Variants in TRPM3 observed in about 807,000 individuals in gnomAD.
The protein encoded by TRPM3 is long transient receptor potential channel 3.
In TRPM3, 77 loss-of-function variants were observed where a neutral mutation model predicts 181.2. The ratio of observed to expected loss-of-function variants is 0.42; its 90% CI spans 0.35 to 0.51. The LOEUF (loss-of-function observed/expected upper bound fraction) is 0.51, where lower values mean the gene tolerates loss of function less well. Ranked by LOEUF, TRPM3 falls within the 20% of genes least tolerant of loss-of-function variation. The pLI, the probability that TRPM3 is intolerant of heterozygous loss-of-function variation, is 0.01. For synonymous variants in TRPM3, 745 were observed against 796.4 expected (o/e 0.94, Z 1.09); for missense variants, 1,759 against 2,196.7 (o/e 0.80, Z 3.98).
At chr9:71,205,132 G>A (rs1174608391) in intron 1 of TRPM3, among the ~76,000 whole-genome samples, 2 of 151,948 alleles carry the variant, frequency 1.3e-5, no homozygotes, top group Non-Finnish European at 1.5e-5. Context: ...GTTAATGGGT[G>A]CAGCACACCA....
intron 8 of TRPM3, among the ~76,000 whole-genome samples, chr9:70,748,322 A>G (rs2075539715): frequency 6.6e-6 from 1 of 152,136 alleles, no homozygotes; most frequent in African/African-American, 2.4e-5. Flanking sequence ...GAGGTATTAG[A>G]GCCATAGCTG....
At chr9:71,415,373 A>C (rs544995408) in intron 1 of TRPM3, among the ~76,000 whole-genome samples, 4 of 152,120 alleles carry the variant, frequency 2.6e-5, no homozygotes, top group Non-Finnish European at 5.9e-5. Context: ...CAATACTGTC[A>C]TGATTAGATG....
chr9:70,907,279 C>T (rs1490602010), intron 1 of TRPM3, among the ~76,000 whole-genome samples: 1 of 152,180 alleles, frequency 6.6e-6, no homozygotes, highest in African/African-American at 2.4e-5. Flanking sequence ...CCAGCTGAGG[C>T]AGGACAAGGT....
At chr9:70,960,234 C>G (rs1218752412) in intron 1 of TRPM3, among the ~76,000 whole-genome samples, 1 of 151,642 alleles carries the variant, frequency 6.6e-6, no homozygotes, top group Admixed American at 6.6e-5. Flanking sequence ...AAACTGTGGA[C>G]ATTATGATGG....
chr9:71,281,464 G>A (rs1487560685), intron 1 of TRPM3, among the ~76,000 whole-genome samples: 1 of 152,114 alleles, frequency 6.6e-6, no homozygotes, highest in Non-Finnish European at 1.5e-5. Context: ...CCTTGGGAAA[G>A]CATTTTGTTC....
chr9:70,761,230 A>G (rs1284841832), intron 8 of TRPM3: 1 of 581,244 alleles, frequency 1.7e-6, no homozygotes, highest in Non-Finnish European at 3.0e-6. Flanking sequence ...TTTGACAGAA[A>G]GCACCTCAGT....
At chr9:71,422,564 T>C (rs2093796122) in intron 1 of TRPM3, among the ~76,000 whole-genome samples, 1 of 152,042 alleles carries the variant, frequency 6.6e-6, no homozygotes, top group Non-Finnish European at 1.5e-5. Context: ...AGTTTGAAAA[T>C]CACTACTTTA....
At chr9:70,817,780 T>G (rs2092831058) in intron 6 of TRPM3, among the ~76,000 whole-genome samples, 1 of 152,076 alleles carries the variant, frequency 6.6e-6, no homozygotes, top group Non-Finnish European at 1.5e-5. Context: ...CTCTCTTTAT[T>G]TAGTATAAAT....
At chr9:71,320,569 T>C (rs529093715) in intron 1 of TRPM3, among the ~76,000 whole-genome samples, 46 of 152,320 alleles carry the variant, frequency 3.0e-4, no homozygotes, top group African/African-American at 1.1e-3. Context: ...GGACACCTCA[T>C]TGTTCATCTC....
intron 1 of TRPM3, among the ~76,000 whole-genome samples, chr9:71,444,420 C>T (rs2094177462): frequency 6.6e-6 from 1 of 151,792 alleles, no homozygotes; most frequent in Non-Finnish European, 1.5e-5. Context: ...ATTTTGTCTT[C>T]AAAAGACAGA....
chr9:71,192,334 G>C (rs2078082184), intron 1 of TRPM3, among the ~76,000 whole-genome samples: 1 of 151,668 alleles, frequency 6.6e-6, no homozygotes, highest in Non-Finnish European at 1.5e-5. Flanking sequence ...CTCTCTGAAA[G>C]CAATTTGGCA....
chr9:71,102,815 T>C (rs1159067057), intron 1 of TRPM3, among the ~76,000 whole-genome samples: 1 of 152,200 alleles, frequency 6.6e-6, no homozygotes, highest in Non-Finnish European at 1.5e-5. Context: ...GGTCAGATCC[T>C]AGACTGTAAA....
intron 1 of TRPM3, among the ~76,000 whole-genome samples, chr9:70,895,752 G>A (rs2096271272): frequency 1.3e-5 from 2 of 151,980 alleles, no homozygotes; most frequent in African/African-American, 2.4e-5. Flanking sequence ...ACCTTAGAAA[G>A]TTATAATCTT....
intron 8 of TRPM3, among the ~76,000 whole-genome samples, chr9:70,746,509 C>T (rs2075193405): frequency 6.6e-6 from 1 of 152,072 alleles, no homozygotes; most frequent in Non-Finnish European, 1.5e-5. Context: ...AGACAATAGC[C>T]CTCTGCTGTC....
Position 70,584,800 on chromosome 9 carries a change from C to G in TRPM3, c.3223+6231G>C, listed in dbSNP as rs569756733. Among the ~76,000 whole-genome samples, 45 of 152,252 alleles carry G rather than the reference C, an allele frequency of 3.0e-4. 1 individual carries two copies. The highest frequency in any genetic ancestry group is 1.1e-3 in the African/African-American group (45 of 41,504). ...ACCTCACAATGTATAACTTCAAAAACCCTTGCAAACATCTTTAATAACCCT... is the reference window on the plus strand; with the variant it reads ...ACCTCACAATGTATAACTTCAAAAAGCCTTGCAAACATCTTTAATAACCCT... On this transcript the variant is annotated intron_variant, in intron 22 of 25. Transcript: ENST00000677713.
intron 1 of TRPM3, among the ~76,000 whole-genome samples, chr9:71,287,848 T>A (rs962933763): frequency 1.3e-4 from 20 of 152,072 alleles, no homozygotes; most frequent in African/African-American, 4.8e-4. Context: ...CAGTAACAGC[T>A]GGAATTTGGA....
At chr9:70,635,377 A>G (rs1483518834) in intron 11 of TRPM3, 116 bp from the exon 12 acceptor site, 12 of 748,268 alleles carry the variant, frequency 1.6e-5, no homozygotes, top group South Asian at 5.0e-5. Flanking sequence ...ATTAAGATGG[A>G]CCTTGTTCTA....
intron 1 of TRPM3, among the ~76,000 whole-genome samples, chr9:71,076,690 A>G (rs1037193086): frequency 1.3e-5 from 2 of 152,174 alleles, no homozygotes; most frequent in Non-Finnish European, 2.9e-5. Flanking sequence ...CCTTTCCTCA[A>G]CCTCATACAA....
chr9:70,695,376 T>A (rs943204391), intron 8 of TRPM3, among the ~76,000 whole-genome samples: 4 of 152,222 alleles, frequency 2.6e-5, no homozygotes, highest in African/African-American at 9.6e-5. Flanking sequence ...CAATTTCTAG[T>A]AGCTAGCATG....
Sources: allele counts gnomAD v4.1 joint callset (sites outside exome capture counted in the v4.1 genomes callset), GRCh38; gene constraint gnomAD v4.1.1; transcripts MANE v1.5; gene names NCBI Gene and HGNC (gene_info 2026-07-23, HGNC 2026-07-21).